RAP1A: variants seen among roughly 807,000 people sequenced by gnomAD.
The protein encoded by RAP1A is RAP1A, member of RAS oncogene family, also known as ras-related protein Rap-1A.
In RAP1A, 6 loss-of-function variants were observed where a neutral mutation model predicts 26.4. The observed-to-expected ratio is 0.23, with a 90% CI of 0.12 to 0.45. The LOEUF is 0.45. Ranked by LOEUF, RAP1A falls within the 20% of genes least tolerant of loss-of-function variation. The pLI, the probability that RAP1A is intolerant of heterozygous loss-of-function variation, is 0.99. For missense variants in RAP1A, 121 were observed against 217.2 expected (o/e 0.56, Z 2.78); for synonymous variants, 73 against 79.4 (o/e 0.92, Z 0.43).
intron 1 of RAP1A, among the ~76,000 whole-genome samples, chr1:111,556,074 C>T (rs1210170401): frequency 6.6e-6 from 1 of 152,104 alleles, no homozygotes; most frequent in Non-Finnish European, 1.5e-5. Flanking sequence ...ACAATGACAA[C>T]AACAAAATAC....
chr1:111,638,276 C>T (rs2789543), intron 1 of RAP1A, among the ~76,000 whole-genome samples: 41,248 of 151,998 alleles, frequency 0.27, 5,763 homozygotes, highest in African/African-American at 0.33. Flanking sequence ...CATTCTTCTA[C>T]GGAAGGATCT....
At chr1:111,589,186 A>G (rs893796560) in intron 1 of RAP1A, among the ~76,000 whole-genome samples, 6 of 152,260 alleles carry the variant, frequency 3.9e-5, no homozygotes, top group Non-Finnish European at 8.8e-5. Flanking sequence ...TCCTAATAAA[A>G]TAATTCAAGT....
intron 4 of RAP1A, among the ~76,000 whole-genome samples, chr1:111,698,508 T>G (rs755073673): frequency 7.2e-5 from 11 of 152,162 alleles, no homozygotes; most frequent in Non-Finnish European, 1.3e-4. Context: ...ACCTCAAGTG[T>G]TCTTCCTGGC....
rs528864164 is a variant in RAP1A at position 111,716,477 on chromosome 1, T to C, written c.*4076T>C. On this transcript the variant is annotated 3_prime_UTR_variant, in exon 8 of 8. Coordinates refer to ENST00000369709, the MANE Select transcript of RAP1A (RefSeq NM_002884.4). ...TTTGACTGGGTTCCTAGTTCTGTTT[T>C]CTGGGAAGGCAACGTGGATTCTGTT... The C allele has an allele frequency of 2.0e-5, 3 of 152,344 alleles. No individual in the cohort carries two copies. The South Asian group carries it at 6.2e-4, about 32-fold the overall frequency. The allele number at this position is 152,344 out of a possible 1,614,324, so 9.4% of individuals were successfully genotyped here.
chr1:111,542,263 G>A (rs1656861432), exon 1 of RAP1A: 6 of 604,414 alleles, frequency 9.9e-6, no homozygotes, highest in East Asian at 4.6e-5. Flanking sequence ...TATTGAGGCC[G>A]TATTTCAGGA....
intron 1 of RAP1A, among the ~76,000 whole-genome samples, chr1:111,563,672 C>T (rs1657835721): frequency 6.6e-6 from 1 of 152,182 alleles, no homozygotes; most frequent in Non-Finnish European, 1.5e-5. Flanking sequence ...TATATTATGT[C>T]ACATCATCTT....
intron 1 of RAP1A, among the ~76,000 whole-genome samples, chr1:111,564,581 C>T (rs957125779): frequency 5.1e-4 from 75 of 148,132 alleles, no homozygotes; most frequent in African/African-American, 1.7e-3. Context: ...GGCACGATCT[C>T]GGCTCACTGC....
At chr1:111,646,435 C>CAA (rs922566972) in intron 1 of RAP1A, among the ~76,000 whole-genome samples, 3 of 132,450 alleles carry the variant, frequency 2.3e-5, no homozygotes. Context: ...AAAAAAAAAA[C>CAA]AAAACAAAAC....
At chr1:111,610,013 T>G (rs1409750580) in intron 1 of RAP1A, among the ~76,000 whole-genome samples, 1 of 152,204 alleles carries the variant, frequency 6.6e-6, no homozygotes, top group African/African-American at 2.4e-5. Context: ...TAGTTTAACA[T>G]CATTCACGTA....
intron 1 of RAP1A, among the ~76,000 whole-genome samples, chr1:111,592,453 T>A (rs576764087): frequency 2.0e-5 from 3 of 152,290 alleles, no homozygotes; most frequent in South Asian, 4.1e-4. Context: ...AAGGCACATG[T>A]ATATTGGGGA....
At chr1:111,579,577 G>A (rs1658211559) in intron 1 of RAP1A, among the ~76,000 whole-genome samples, 1 of 152,134 alleles carries the variant, frequency 6.6e-6, no homozygotes. Context: ...ACTCAGTCTT[G>A]CATTACAGAG....
chr1:111,669,026 G>GAAA (rs58557062), intron 1 of RAP1A, among the ~76,000 whole-genome samples: 36 of 19,782 alleles, frequency 1.8e-3, no homozygotes, highest in African/African-American at 3.2e-3. Flanking sequence ...CCTATCTCAA[G>GAAA]AAAAAAAAAA....
intron 1 of RAP1A, among the ~76,000 whole-genome samples, chr1:111,546,319 A>G (rs1657032497): frequency 6.6e-6 from 1 of 152,142 alleles, no homozygotes; most frequent in African/African-American, 2.4e-5. Context: ...CAGTGGCATT[A>G]AGTACATTTA....
intron 1 of RAP1A, among the ~76,000 whole-genome samples, chr1:111,579,103 T>C (rs1386162904): frequency 6.6e-6 from 1 of 152,170 alleles, no homozygotes; most frequent in Non-Finnish European, 1.5e-5. Flanking sequence ...TGTTTAGCAG[T>C]CCCAAAGCTC....
At chr1:111,696,584 C>T (rs1336394697) in intron 3 of RAP1A, among the ~76,000 whole-genome samples, 1 of 152,174 alleles carries the variant, frequency 6.6e-6, no homozygotes, top group Non-Finnish European at 1.5e-5. Context: ...TTAAAATAGT[C>T]TTTAGGTTAG....
intron 1 of RAP1A, among the ~76,000 whole-genome samples, chr1:111,634,700 A>C (rs145046404): frequency 0.022 from 3,273 of 151,882 alleles, 100 homozygotes; most frequent in African/African-American, 0.074. Flanking sequence ...GCTGGAGTGC[A>C]GTGGTGTGAT....
At chr1:111,647,147 C>G (rs894683421) in intron 1 of RAP1A, among the ~76,000 whole-genome samples, 1 of 152,118 alleles carries the variant, frequency 6.6e-6, no homozygotes, top group Admixed American at 6.5e-5. Context: ...TGAGCCCCGC[C>G]TCTTATCAGA....
chr1:111,688,026 CAAA>C (rs58107878), intron 1 of RAP1A, among the ~76,000 whole-genome samples: 1 of 51,704 alleles, frequency 1.9e-5, no homozygotes, highest in African/African-American at 1.1e-4. Flanking sequence ...GACCCTGTCT[CAAA>C]AAAAAAAAAA....
rs994763442 is a variant in RAP1A at position 111,593,652 on chromosome 1, C to CTTTTTTTTTT, written c.-28+51161_-28+51170dup. On this transcript the variant is annotated intron_variant, in intron 1 of 7. Coordinates refer to the RAP1A transcript ENST00000356415. ...CTGGCAGCTTAAGTTATGACTCCTA[C>CTTTTTTTTTT]TTTTTTTTTTTTTTTTTTTTTTTTT... 1.7e-4 allele frequency among the ~76,000 whole-genome samples: 11 copies of CTTTTTTTTTT among 65,404 alleles called. 2 individuals are homozygous for CTTTTTTTTTT. The highest frequency in any genetic ancestry group is 1.2e-3 in the East Asian group (2 of 1,642). The allele number at this position is 65,404 out of a possible 152,430, so 42.9% of individuals were successfully genotyped here. A position where few individuals can be genotyped will look rare whatever the true frequency, so the allele number is the denominator to read the frequency against.
Sources: gnomAD v4.1 joint callset for allele counts (sites outside exome capture counted in the v4.1 genomes callset) on GRCh38, gnomAD v4.1.1 for gene constraint, MANE v1.5 for transcripts, NCBI Gene and HGNC (gene_info 2026-07-23, HGNC 2026-07-21) for gene names.